Variants in OXR1 observed in about 807,000 individuals in gnomAD.
The protein encoded by OXR1 is oxidation resistance protein 1.
In OXR1, 41 loss-of-function variants were observed where a neutral mutation model predicts 104.6. That is an observed-to-expected ratio of 0.39 (90% CI 0.31 to 0.51). The LOEUF (loss-of-function observed/expected upper bound fraction) is 0.51, where lower values mean the gene tolerates loss of function less well. Ranked by LOEUF, OXR1 falls within the 20% of genes least tolerant of loss-of-function variation. The pLI, the probability that OXR1 is intolerant of heterozygous loss-of-function variation, is 0.77. For missense variants in OXR1, 955 were observed against 1,031.9 expected, an observed-to-expected ratio of 0.93 and a Z score of 1.02; for synonymous variants, 348 against 348.4, an observed-to-expected ratio of 1.00 and a Z score of 0.01.
At chr8:106,489,219 T>G (rs1028460934) in intron 2 of OXR1, among the ~76,000 whole-genome samples, 3 of 151,486 alleles carry the variant, frequency 2.0e-5, no homozygotes, top group African/African-American at 7.3e-5. Context: ...GATTTGGCTC[T>G]CTGTTTGTCT....
intron 3 of OXR1, among the ~76,000 whole-genome samples, chr8:106,564,160 C>T (rs114616851): frequency 0.033 from 4,990 of 151,986 alleles, 135 homozygotes; most frequent in African/African-American, 0.074. Context: ...GATAAAGACA[C>T]GAAAAGCCCT....
intron 2 of OXR1, among the ~76,000 whole-genome samples, chr8:106,463,328 CATTT>C (rs1025481826): frequency 1.3e-5 from 2 of 152,008 alleles, no homozygotes; most frequent in African/African-American, 4.8e-5. Context: ...AATGCATAAA[CATTT>C]AGTTTTTCTC....
At chr8:106,273,409 G>A (rs1811898711) in intron 1 of OXR1, among the ~76,000 whole-genome samples, 1 of 152,174 alleles carries the variant, frequency 6.6e-6, no homozygotes, top group Admixed American at 6.5e-5. Context: ...CTCCACTGGG[G>A]GCAGTTTTAC....
At chr8:106,727,561 G>A (rs1297765064) in intron 11 of OXR1, among the ~76,000 whole-genome samples, 1 of 152,076 alleles carries the variant, frequency 6.6e-6, no homozygotes, top group Non-Finnish European at 1.5e-5. Flanking sequence ...GGGACTGCAA[G>A]CATGCACCAC....
Position 106,751,074 on chromosome 8 carries a change from A to G in OXR1, c.*133A>G. On this transcript the variant is annotated 3_prime_UTR_variant, in exon 17 of 17. Transcript: ENST00000517566. Reference sequence around the variant, plus strand: ...AAATTAGTCTGTATCACCATTTATTACAGTTATAATTTTGGAGTTTATTTT... The same window carrying G: ...AAATTAGTCTGTATCACCATTTATTGCAGTTATAATTTTGGAGTTTATTTT... The G allele has an allele frequency of 1.6e-6, 1 of 634,528 alleles. No homozygotes were observed. Among genetic ancestry groups the G allele is most frequent in the East Asian group, 3.0e-5 (1 of 33,602 alleles). The allele number at this position is 634,528 out of a possible 1,614,324, so 39.3% of individuals were successfully genotyped here.
At chr8:106,668,850 C>T (rs1826625573) in intron 3 of OXR1, among the ~76,000 whole-genome samples, 1 of 152,136 alleles carries the variant, frequency 6.6e-6, no homozygotes, top group Non-Finnish European at 1.5e-5. Context: ...GGTCTTTGAT[C>T]TCTTCAGAAG....
intron 6 of OXR1, among the ~76,000 whole-genome samples, chr8:106,687,387 G>T (rs1243302476): frequency 6.6e-6 from 1 of 152,070 alleles, no homozygotes; most frequent in Admixed American, 6.6e-5. Context: ...TACACCATAT[G>T]TACCTTTGTA....
At chr8:106,536,188 C>A (rs566034718) in intron 3 of OXR1, among the ~76,000 whole-genome samples, 14 of 151,204 alleles carry the variant, frequency 9.3e-5, no homozygotes, top group African/African-American at 3.4e-4. Flanking sequence ...CCACTGCACT[C>A]CAGCCAGGGC....
Position 106,679,235 on chromosome 8 carries a change from C to A in OXR1, c.246C>A (p.Asp82Glu). 1 of 1,609,440 alleles carries A rather than the reference C, an allele frequency of 6.2e-7. No homozygotes were observed. The highest frequency in any genetic ancestry group is 8.5e-7 in the Non-Finnish European group (1 of 1,176,544). The change falls in exon 4 of 17, where the codon GAC becomes GAA. Residue 82 changes from aspartate to glutamate, a missense_variant. By Grantham distance (45) the Asp-to-Glu change is conservative (BLOSUM62 2). Coordinates refer to ENST00000517566, the MANE Select transcript of OXR1 (RefSeq NM_001198533.2). ...ACACTGGCCAAAAGAAGACCCTAGA[C>A]AAGAAAGATGGAAGACGAATGTCTT... Reference protein sequence around the residue: ...TIDTGQKKTLDKKDGRRMSFQ... With the variant: ...TIDTGQKKTLEKKDGRRMSFQ...
intron 1 of OXR1, among the ~76,000 whole-genome samples, chr8:106,291,348 A>ATGGGTGTGTT (rs1039823330): frequency 6.6e-6 from 1 of 152,188 alleles, no homozygotes; most frequent in Non-Finnish European, 1.5e-5. Flanking sequence ...TGCTCACTAC[A>ATGGGTGTGTT]TGGGTGCAAC....
At chr8:106,658,180 G>T (rs1825342037) in intron 3 of OXR1, 1 of 1,241,198 alleles carries the variant, frequency 8.1e-7, no homozygotes, top group Non-Finnish European at 1.0e-6. Flanking sequence ...AGCCCGGAGG[G>T]ACCTGGTGAG....
Position 106,750,957 on chromosome 8 carries a change from T to A in OXR1, c.*16T>A. ...TTTTGAATAAATAAAATGCTCTCTG[T>A]CTTAGCAGGAGAATGGCCCAAACCT... On this transcript the variant is annotated 3_prime_UTR_variant, in exon 17 of 17. Coordinates refer to ENST00000517566, the MANE Select transcript of OXR1 (RefSeq NM_001198533.2). The A allele has an allele frequency of 1.3e-6, 2 of 1,588,740 alleles. No individual in the cohort carries two copies. Among genetic ancestry groups the A allele is most frequent in the Non-Finnish European group, 1.7e-6 (2 of 1,170,022 alleles).
intron 2 of OXR1, among the ~76,000 whole-genome samples, chr8:106,406,447 C>G (rs1259905456): frequency 4.6e-5 from 7 of 152,126 alleles, no homozygotes; most frequent in Admixed American, 4.6e-4. Context: ...GTTGCCAAAA[C>G]TATGTCCTTT....
chr8:106,704,406 T>C (rs1446273990), intron 8 of OXR1, among the ~76,000 whole-genome samples: 1 of 106,158 alleles, frequency 9.4e-6, no homozygotes, highest in Non-Finnish European at 2.1e-5. Context: ...TTTTTTTTTT[T>C]TTTTTTTTTT....
chr8:106,327,500 A>G (rs888390721), intron 1 of OXR1, among the ~76,000 whole-genome samples: 1 of 152,210 alleles, frequency 6.6e-6, no homozygotes, highest in African/African-American at 2.4e-5. Context: ...TACTTAACAA[A>G]TGAGATACTG....
chr8:106,291,098 G>A (rs1470217594), intron 1 of OXR1, among the ~76,000 whole-genome samples: 1 of 152,124 alleles, frequency 6.6e-6, no homozygotes, highest in Non-Finnish European at 1.5e-5. Context: ...ATACATCATG[G>A]AATACTATGC....
At chr8:106,475,288 A>T (rs1821739647) in intron 2 of OXR1, among the ~76,000 whole-genome samples, 1 of 152,010 alleles carries the variant, frequency 6.6e-6, no homozygotes, top group Admixed American at 6.6e-5. Context: ...CTTACAATAA[A>T]GTAAGCTAAA....
intron 3 of OXR1, among the ~76,000 whole-genome samples, chr8:106,601,835 A>C (rs1819993556): frequency 6.6e-6 from 1 of 152,318 alleles, no homozygotes; most frequent in African/African-American, 2.4e-5. Context: ...AGTTATATTA[A>C]GTTTTTTAAG....
At chr8:106,530,762 A>G (rs1814035023) in intron 3 of OXR1, among the ~76,000 whole-genome samples, 1 of 152,212 alleles carries the variant, frequency 6.6e-6, no homozygotes, top group Non-Finnish European at 1.5e-5. Context: ...ACAGCTTTAA[A>G]ATTCACTAAC....
Sources: gnomAD v4.1 joint callset for allele counts (sites outside exome capture counted in the v4.1 genomes callset) on GRCh38, gnomAD v4.1.1 for gene constraint, MANE v1.5 for transcripts, NCBI Gene and HGNC (gene_info 2026-07-23, HGNC 2026-07-21) for gene names.